The following SGSM3 variants were observed in gnomAD, a reference collection of about 807,000 sequenced individuals.
SGSM3 encodes RUN and SH3 containing 3.
In SGSM3, 96 loss-of-function variants were observed where a neutral mutation model predicts 100.5. That is an observed-to-expected ratio of 0.96 (90% CI 0.81 to 1.13). SGSM3 has a LOEUF of 1.13. Among genes scored for constraint, SGSM3 ranks in the 50% most tolerant of loss-of-function variants. The pLI, the probability that SGSM3 is intolerant of heterozygous loss-of-function variation, is 0.00. For synonymous variants in SGSM3, 483 were observed against 422.8 expected (o/e 1.14, Z -1.75); for missense variants, 1,001 against 1,015.8 (o/e 0.99, Z 0.20).
In SGSM3 at chr22:40,408,325, G is replaced by A. The variant is rs145530292; in HGVS notation, c.1678G>A (p.Val560Met). ...GGTGACGGAGGGGGTCACAGACCTCGTGCGAGGGACCCTCTGCCCGGCCCT... is the reference window on the plus strand; with the variant it reads ...GGTGACGGAGGGGGTCACAGACCTCATGCGAGGGACCCTCTGCCCGGCCCT... ...DSVTEGVTDL[V>M]RGTLCPALKA... The change falls in exon 16 of 22, where the codon GTG (valine) becomes ATG (methionine). Residue 560 changes from valine to methionine, a missense_variant. Physicochemically the swap from Val to Met is conservative, Grantham distance 21 (BLOSUM62 1). Transcript: ENST00000248929. 38 of 1,613,430 alleles carry A rather than the reference G, an allele frequency of 2.4e-5. No homozygotes were observed. The highest frequency in any genetic ancestry group is 5.5e-5 in the South Asian group (5 of 91,090).
At chr22:40,382,608 A>G (rs1472262683) in intron 1 of SGSM3, among the ~76,000 whole-genome samples, 2 of 152,184 alleles carry the variant, frequency 1.3e-5, no homozygotes, top group Middle Eastern at 3.2e-3. Flanking sequence ...AAGCTACACA[A>G]TATCACCATA....
chr22:40,400,369 C>T (rs897951008), intron 1 of SGSM3, among the ~76,000 whole-genome samples: 1 of 152,160 alleles, frequency 6.6e-6, no homozygotes, highest in African/African-American at 2.4e-5. Flanking sequence ...CTTGGCCGGG[C>T]GCGGTGGCTC....
rs142743007 is a variant in SGSM3 at position 40,408,925 on chromosome 22, G to A, written c.1903-8G>A. The A allele has an allele frequency of 6.8e-5, 110 of 1,613,022 alleles. No individual in the cohort carries two copies. The African/African-American group carries it at 9.1e-4, about 13-fold the overall frequency. On this transcript the variant is annotated splice_polypyrimidine_tract_variant and splice_region_variant and intron_variant, in intron 18 of 21. Transcript: ENST00000248929. ...AGCCTGAGTGACAGCTGACGGTGCC[G>A]TTCCCAGGCTGTGCAGTCTGTGAAC...
intron 1 of SGSM3, among the ~76,000 whole-genome samples, chr22:40,395,836 TTC>T (rs1309390368): frequency 6.6e-6 from 1 of 152,206 alleles, no homozygotes; most frequent in Non-Finnish European, 1.5e-5. Flanking sequence ...AATCTGTTGC[TTC>T]TCTTTTTCTC....
chr22:40,371,290 C>G (rs1455419699), intron 1 of SGSM3, among the ~76,000 whole-genome samples: 1 of 152,190 alleles, frequency 6.6e-6, no homozygotes, highest in Non-Finnish European at 1.5e-5. Flanking sequence ...CTGACCTAGG[C>G]TCTTTTTTAT....
At position 40,372,347 on chromosome 22, in the gene SGSM3, G is replaced by A. The variant is rs1203897324; in HGVS notation, c.-112+1659G>A. ...TTCACCGTGTTAGCCAGATGGTCTC[G>A]ATCTCCTGACCTCGTGATCTGCCCG... On this transcript the variant is annotated intron_variant, in intron 1 of 21. Transcript: ENST00000248929. Among the ~76,000 whole-genome samples, 3 of 151,358 alleles carry A rather than the reference G, an allele frequency of 2.0e-5. No homozygotes were observed. The East Asian group carries it at 5.9e-4, about 30-fold the overall frequency.
rs370049339 is a variant in SGSM3 at position 40,409,760 on chromosome 22, C to T, written c.*1C>T. On this transcript the variant is annotated 3_prime_UTR_variant, in exon 22 of 22. Coordinates refer to ENST00000248929, the MANE Select transcript of SGSM3 (RefSeq NM_015705.6). ...CTTCAGCTGGGATGTGGACGGGTGA[C>T]CCCCTCCTCCCCAGCCCAACCTCGG... 24 of 1,605,368 alleles carry T rather than the reference C, an allele frequency of 1.5e-5. No homozygotes were observed. The highest frequency in any genetic ancestry group is 2.7e-5 in the African/African-American group (2 of 74,866).
chr22:40,406,813 A>C (rs1314969751), intron 10 of SGSM3, 151 bp downstream of exon 10: 1 of 860,736 alleles, frequency 1.2e-6, no homozygotes, highest in Admixed American at 2.2e-5. Context: ...CTGTGGGGTG[A>C]TCCAGGCCTC....
chr22:40,389,600 GAAAAAAAA>G (rs71326802), intron 1 of SGSM3, among the ~76,000 whole-genome samples: 8 of 33,646 alleles, frequency 2.4e-4, no homozygotes, highest in South Asian at 1.1e-3. Context: ...CTCCGTCTCA[GAAAAAAAA>G]AAAAAAAAAA....
chr22:40,380,529 G>C (rs1197709437), intron 1 of SGSM3, among the ~76,000 whole-genome samples: 1 of 151,894 alleles, frequency 6.6e-6, no homozygotes, highest in Non-Finnish European at 1.5e-5. Flanking sequence ...ATGACACCTG[G>C]CTAATTCTTG....
At chr22:40,406,386 A>G in intron 9 of SGSM3, 52 bp from the exon 10 acceptor site, 1 of 1,503,750 alleles carries the variant, frequency 6.7e-7, no homozygotes, top group Non-Finnish European at 9.0e-7. Context: ...GCTCAGTGCC[A>G]CGTCCCTGCA....
At chr22:40,381,901 G>A (rs1430759961) in intron 1 of SGSM3, among the ~76,000 whole-genome samples, 2 of 152,200 alleles carry the variant, frequency 1.3e-5, no homozygotes, top group African/African-American at 4.8e-5. Flanking sequence ...AGAAGTTGCA[G>A]TGAGCCAAGA....
At position 40,404,460 on chromosome 22, in the gene SGSM3, G is replaced by C; in HGVS notation, c.366+5G>C. 1 of 1,606,124 alleles carries C rather than the reference G, an allele frequency of 6.2e-7. No individual in the cohort carries two copies. The highest frequency in any genetic ancestry group is 8.5e-7 in the Non-Finnish European group (1 of 1,175,376). On this transcript the variant is annotated splice_donor_5th_base_variant and intron_variant, in intron 5 of 21. Coordinates refer to ENST00000248929, the MANE Select transcript of SGSM3 (RefSeq NM_015705.6). Reference sequence around the variant, plus strand: ...CCACATGGCATGAGGCCACAGGTAAGGTGGCCACAGGGACCCACAGGGTGT... The same window carrying C: ...CCACATGGCATGAGGCCACAGGTAACGTGGCCACAGGGACCCACAGGGTGT...
At chr22:40,409,402 AGGTGG>A (rs764767033) in intron 20 of SGSM3, 30 bp downstream of exon 20, 1 of 1,575,936 alleles carries the variant, frequency 6.3e-7, no homozygotes, top group Non-Finnish European at 8.6e-7. Context: ...TGGGGGATGG[AGGTGG>A]GGTGGGAAGG....
rs774297988 is a variant in SGSM3, at chr22:40,409,239, C to T, written c.1989-11C>T. The T allele has an allele frequency of 2.5e-6, 4 of 1,595,506 alleles. No homozygotes were observed. The Admixed American group carries it at 5.1e-5, about 21-fold the overall frequency. The stretch of plus-strand genomic sequence containing the variant: ...GCTGCCCCTGCTCCCCACTCCTGGC[C>T]ATGTCCCCAGTGAGCAGGTGCTGCA... On this transcript the variant is annotated splice_polypyrimidine_tract_variant and intron_variant, in intron 19 of 21. Transcript: ENST00000248929.
chr22:40,400,720 A>G lies in SGSM3; in HGVS notation c.-87A>G. 2 of 1,331,788 alleles carry G rather than the reference A, an allele frequency of 1.5e-6. No homozygotes were observed. Among genetic ancestry groups the G allele is most frequent in the Non-Finnish European group, 1.1e-6 (1 of 947,562 alleles). 82.5% of individuals were successfully genotyped at this position (1,331,788 alleles called of 1,614,324 possible). On this transcript the variant is annotated 5_prime_UTR_variant, in exon 2 of 22. Transcript: ENST00000248929. ...GGGCAGATGATTCTGGACCAGATGA[A>G]GCCTGAGGAGCCTTCCAGCTCTAAG...
chr22:40,404,228 C>G lies in SGSM3; in HGVS notation c.158-19C>G. Reference sequence around the variant, plus strand: ...AGTAGAGAATGCTTTTTCTTTCCTCCTTGGCTCTCTCTTGGCAGAAGGTGA... The same window carrying G: ...AGTAGAGAATGCTTTTTCTTTCCTCGTTGGCTCTCTCTTGGCAGAAGGTGA... On this transcript the variant is annotated intron_variant, in intron 4 of 21. Transcript: ENST00000248929. 3 of 1,504,018 alleles carry G rather than the reference C, an allele frequency of 2.0e-6. No homozygotes were observed. The African/African-American group carries it at 4.2e-5, about 21-fold the overall frequency. 93.2% of individuals were successfully genotyped at this position (1,504,018 alleles called of 1,614,324 possible). A position where few individuals can be genotyped will look rare whatever the true frequency, so the allele number is the denominator to read the frequency against.
rs569620429 is a variant in SGSM3, at chr22:40,402,154, G to A, written c.106G>A (p.Glu36Lys). The A allele has an allele frequency of 1.1e-5, 18 of 1,614,016 alleles. No individual in the cohort carries two copies. The East Asian group carries it at 4.0e-4, about 36-fold the overall frequency. The change falls in exon 4 of 22, where the codon GAG becomes AAG. Residue 36 changes from glutamate (E) to lysine (K), a missense_variant. Transcript: ENST00000248929. The part of the protein sequence containing the change: ...AKYTQKEESA[E>K]QPEFYYDEFG... The stretch of plus-strand genomic sequence containing the variant: ...CTGATTCTAGAAGGAAGAGTCAGCA[G>A]AGCAACCAGAGTTCTACTACGATGA...
chr22:40,382,227 A>C (rs17001868), intron 1 of SGSM3, among the ~76,000 whole-genome samples: 19,191 of 152,176 alleles, frequency 0.13, 2,018 homozygotes, highest in Admixed American at 0.33. Context: ...AACAGCTACA[A>C]CATAGCACCA....
Sources: gnomAD v4.1 joint callset for allele counts (sites outside exome capture counted in the v4.1 genomes callset) on GRCh38, gnomAD v4.1.1 for gene constraint, MANE v1.5 for transcripts, NCBI Gene and HGNC (gene_info 2026-07-23, HGNC 2026-07-21) for gene names.